CCDC30: variants seen among roughly 807,000 people sequenced by gnomAD.
The protein encoded by CCDC30 is coiled-coil domain-containing protein 30.
In CCDC30, 70 loss-of-function variants were observed where a neutral mutation model predicts 100.2. The observed-to-expected ratio is 0.70, with a 90% CI of 0.58 to 0.85. The LOEUF is 0.85. Among genes scored for constraint, CCDC30 ranks in the 40% least tolerant of loss-of-function variants. The pLI, the probability that CCDC30 is intolerant of heterozygous loss-of-function variation, is 0.00. For synonymous variants in CCDC30, 233 were observed against 269.5 expected (o/e 0.86, Z 1.33); for missense variants, 652 against 771.2 (o/e 0.85, Z 1.83).
At chr1:42,526,773 T>G (rs1194393246) in intron 6 of CCDC30, among the ~76,000 whole-genome samples, 1 of 152,182 alleles carries the variant, frequency 6.6e-6, no homozygotes, top group African/African-American at 2.4e-5. Context: ...GGATAAAAAC[T>G]ATTTTTAAAT....
intron 6 of CCDC30, among the ~76,000 whole-genome samples, chr1:42,500,496 C>T (rs1289863838): frequency 6.6e-6 from 1 of 151,890 alleles, no homozygotes; most frequent in Admixed American, 6.6e-5. Context: ...TCACTGTAAG[C>T]TCCGCCTCCC....
chr1:42,496,454 A>G (rs774932032), intron 4 of CCDC30, among the ~76,000 whole-genome samples: 9 of 149,884 alleles, frequency 6.0e-5, no homozygotes, highest in Non-Finnish European at 8.9e-5. Flanking sequence ...GTCTGTTTGT[A>G]TATTACTATA....
intron 1 of CCDC30, among the ~76,000 whole-genome samples, chr1:42,466,844 G>A (rs376641648): frequency 6.6e-4 from 100 of 152,280 alleles, no homozygotes; most frequent in African/African-American, 2.2e-3. Flanking sequence ...GAGCCTCTGC[G>A]CCCGGCCAAG....
intron 3 of CCDC30, among the ~76,000 whole-genome samples, chr1:42,485,372 A>G (rs1412624735): frequency 1.3e-5 from 2 of 152,232 alleles, no homozygotes; most frequent in Non-Finnish European, 2.9e-5. Flanking sequence ...ACATACCATC[A>G]GAAAGTGAAA....
chr1:42,611,044 C>T (rs981201493), exon 11 of CCDC30: 42 of 1,612,618 alleles, frequency 2.6e-5, no homozygotes, highest in Non-Finnish European at 3.2e-5. Flanking sequence ...GGAAGCTCTA[C>T]GTGAAGAATA....
chr1:42,562,463 G>A (rs1225997278), intron 6 of CCDC30, among the ~76,000 whole-genome samples: 1 of 152,116 alleles, frequency 6.6e-6, no homozygotes, highest in African/African-American at 2.4e-5. Context: ...ACTCAAGATG[G>A]ATTAAAGACT....
At chr1:42,616,672 C>T (rs1052532004) in intron 11 of CCDC30, among the ~76,000 whole-genome samples, 10 of 152,152 alleles carry the variant, frequency 6.6e-5, no homozygotes, top group African/African-American at 1.7e-4. Context: ...CACCTCATAA[C>T]ATTAATAGTT....
At chr1:42,555,637 G>C (rs1432508587) in intron 6 of CCDC30, among the ~76,000 whole-genome samples, 3 of 152,030 alleles carry the variant, frequency 2.0e-5, no homozygotes, top group African/African-American at 7.3e-5. Context: ...ACCTGTGATG[G>C]GTCATCTCCC....
At chr1:42,494,520 T>C (rs922236418) in intron 4 of CCDC30, among the ~76,000 whole-genome samples, 4 of 152,068 alleles carry the variant, frequency 2.6e-5, no homozygotes, top group Admixed American at 2.6e-4. Context: ...CTAATTAAAC[T>C]AAAGAGCTTC....
chr1:42,607,991 C>T (rs548456940), intron 10 of CCDC30, among the ~76,000 whole-genome samples: 15 of 152,306 alleles, frequency 9.8e-5, no homozygotes, highest in African/African-American at 3.6e-4. Context: ...TACTTGCCCC[C>T]AAACACCATG....
downstream of CCDC30, among the ~76,000 whole-genome samples, chr1:42,654,973 A>G (rs1342514994): frequency 6.6e-6 from 1 of 151,820 alleles, no homozygotes; most frequent in African/African-American, 2.4e-5. Context: ...TCAGCCTCCC[A>G]AAGTGCTGGG....
chr1:42,608,327 TTTTGA>T (rs1349453458), intron 10 of CCDC30, among the ~76,000 whole-genome samples: 1 of 152,226 alleles, frequency 6.6e-6, no homozygotes, highest in Non-Finnish European at 1.5e-5. Flanking sequence ...TTTTTGTTTG[TTTTGA>T]TTTTTGTCAT....
At chr1:42,551,383 A>G (rs907529256) in intron 6 of CCDC30, among the ~76,000 whole-genome samples, 9 of 152,184 alleles carry the variant, frequency 5.9e-5, no homozygotes, top group Non-Finnish European at 1.3e-4. Flanking sequence ...TGCATGATGT[A>G]AAAAAGCAGA....
At chr1:42,520,070 A>G (rs904256771) in intron 6 of CCDC30, among the ~76,000 whole-genome samples, 3 of 151,888 alleles carry the variant, frequency 2.0e-5, no homozygotes, top group Non-Finnish European at 2.9e-5. Flanking sequence ...AGCTTTTTGT[A>G]TATTTTCTTG....
intron 9 of CCDC30, among the ~76,000 whole-genome samples, chr1:42,583,974 A>G (rs1355862364): frequency 6.6e-6 from 1 of 152,188 alleles, no homozygotes; most frequent in African/African-American, 2.4e-5. Context: ...AGCTAAATAG[A>G]CATCTGGCCC....
intron 6 of CCDC30, chr1:42,509,950 C>A: frequency 3.2e-6 from 2 of 624,920 alleles, no homozygotes; most frequent in Non-Finnish European, 4.0e-6. Flanking sequence ...AAGCTCAACT[C>A]TAAGCAAAGC....
At chr1:42,622,963 T>C (rs1055181615) in intron 11 of CCDC30, among the ~76,000 whole-genome samples, 1 of 152,236 alleles carries the variant, frequency 6.6e-6, no homozygotes, top group Non-Finnish European at 1.5e-5. Context: ...AGTTTTGATT[T>C]GCATTTCTCT....
chr1:42,456,570 C>T, the CCDC30 span: 8 of 1,479,018 alleles, frequency 5.4e-6, no homozygotes, highest in Non-Finnish European at 7.2e-6. Context: ...CTGCAGATGG[C>T]GGAAATGGAT....
intron 10 of CCDC30, among the ~76,000 whole-genome samples, chr1:42,605,378 G>T (rs190355803): frequency 6.6e-6 from 1 of 152,228 alleles, no homozygotes; most frequent in Admixed American, 6.5e-5. Context: ...TTAAACCTTT[G>T]GATGCCTTTT....
Sources: allele counts gnomAD v4.1 joint callset (sites outside exome capture counted in the v4.1 genomes callset), GRCh38; gene constraint gnomAD v4.1.1; transcripts MANE v1.5; gene names NCBI Gene and HGNC (gene_info 2026-07-23, HGNC 2026-07-21).